The following TRAK1 variants were observed in gnomAD, a reference collection of about 807,000 sequenced individuals.
TRAK1 encodes trafficking kinesin protein 1, also known as trafficking kinesin-binding protein 1.
In TRAK1, 33 loss-of-function variants were observed where a neutral mutation model predicts 92.1. The observed-to-expected ratio is 0.36, with a 90% CI of 0.27 to 0.48. TRAK1 has a LOEUF of 0.48. TRAK1 is among the 20% of genes least tolerant of loss of function. TRAK1 has a pLI of 0.99. For missense variants in TRAK1, 1,123 were observed against 1,257.9 expected, an observed-to-expected ratio of 0.89 and a Z score of 1.62; for synonymous variants, 521 against 517.3, an observed-to-expected ratio of 1.01 and a Z score of -0.10.
chr3:42,142,811 T>G (rs1424104371), intron 2 of TRAK1, among the ~76,000 whole-genome samples: 1 of 152,230 alleles, frequency 6.6e-6, no homozygotes, highest in Non-Finnish European at 1.5e-5. Flanking sequence ...AGACTCACCT[T>G]GTCTCTTCTA....
At chr3:42,210,485 G>A in intron 14 of TRAK1, 1 of 1,225,984 alleles carries the variant, frequency 8.2e-7, no homozygotes, top group Admixed American at 3.9e-5. Flanking sequence ...GTGTCTCCCT[G>A]AGTCTAAGGG....
At chr3:42,207,626 A>G (rs1168538251) in intron 13 of TRAK1, among the ~76,000 whole-genome samples, 1 of 152,188 alleles carries the variant, frequency 6.6e-6, no homozygotes, top group Non-Finnish European at 1.5e-5. Context: ...ATGTAAAACA[A>G]ACTGCGATGC....
chr3:42,022,692 G>A (rs144863126), intron 1 of TRAK1, among the ~76,000 whole-genome samples: 4 of 149,714 alleles, frequency 2.7e-5, no homozygotes, highest in South Asian at 4.3e-4. Context: ...ATTGTACTCC[G>A]GCCTAGGCAA....
chr3:42,208,577 C>T (rs1364971978), intron 13 of TRAK1, among the ~76,000 whole-genome samples: 1 of 152,216 alleles, frequency 6.6e-6, no homozygotes, highest in African/African-American at 2.4e-5. Flanking sequence ...AACCTGGTAT[C>T]CTGGAGGGCT....
chr3:42,156,647 A>G (rs1290216579), intron 2 of TRAK1, among the ~76,000 whole-genome samples: 1 of 152,236 alleles, frequency 6.6e-6, no homozygotes, highest in Non-Finnish European at 1.5e-5. Context: ...GGAATGATGG[A>G]ATTAGAAATT....
intron 2 of TRAK1, among the ~76,000 whole-genome samples, chr3:42,164,177 A>G (rs922290342): frequency 6.6e-6 from 1 of 152,212 alleles, no homozygotes; most frequent in African/African-American, 2.4e-5. Context: ...TGGAGCAGAA[A>G]TACTCTGTGA....
chr3:42,104,407 C>G (rs1707234304), intron 1 of TRAK1, among the ~76,000 whole-genome samples: 1 of 152,312 alleles, frequency 6.6e-6, no homozygotes, highest in East Asian at 1.9e-4. Flanking sequence ...TCAAGTGGGT[C>G]CCTGACCACC....
intron 2 of TRAK1, among the ~76,000 whole-genome samples, chr3:42,149,038 C>G (rs1052923920): frequency 2.6e-5 from 4 of 152,162 alleles, no homozygotes; most frequent in Non-Finnish European, 4.4e-5. Flanking sequence ...ATCTCTCAGC[C>G]TCTGCTGCCA....
intron 1 of TRAK1, among the ~76,000 whole-genome samples, chr3:42,069,037 G>T (rs537739653): frequency 3.3e-5 from 5 of 152,170 alleles, no homozygotes; most frequent in African/African-American, 1.2e-4. Context: ...CTCATGTCAG[G>T]CTGTTTAAAA....
intron 8 of TRAK1, among the ~76,000 whole-genome samples, chr3:42,193,486 G>T (rs1205705582): frequency 1.3e-5 from 2 of 152,138 alleles, no homozygotes; most frequent in Non-Finnish European, 2.9e-5. Flanking sequence ...ATCTAGTCTA[G>T]TATTTGTTTT....
Position 42,223,661 on chromosome 3 carries a change from A to C in TRAK1, c.2786A>C (p.Gln929Pro), listed in dbSNP as rs759942642. The change falls in exon 16 of 16, where the codon CAG (glutamine) becomes CCG (proline). Residue 929 changes from glutamine (Q) to proline (P), a missense_variant. Gln to Pro is a moderately conservative substitution (Grantham distance 76). Transcript: ENST00000327628. The surrounding 1 kb of genome is among the most constrained non-coding windows in gnomAD (Gnocchi z 6.1). Reference sequence around the variant, plus strand: ...CCCACCATGGTGGGATCTAGCATGCAGATGAAAGCTCCTGTGACTCTCACC... The same window carrying C: ...CCCACCATGGTGGGATCTAGCATGCCGATGAAAGCTCCTGTGACTCTCACC... ...SFPTMVGSSM[Q>P]MKAPVTLTSG... The C allele has an allele frequency of 6.2e-7, 1 of 1,614,112 alleles. No individual in the cohort carries two copies. Among genetic ancestry groups the C allele is most frequent in the South Asian group, 1.1e-5 (1 of 91,080 alleles).
At chr3:42,106,614 A>G (rs1426506834) in intron 1 of TRAK1, among the ~76,000 whole-genome samples, 2 of 152,230 alleles carry the variant, frequency 1.3e-5, no homozygotes, top group Non-Finnish European at 2.9e-5. Flanking sequence ...TTACTTTTTA[A>G]AATTATAATG....
rs1284267379 is a variant in TRAK1 at position 42,223,272 on chromosome 3, C to T, written c.2397C>T (p.Phe799=). The T allele has an allele frequency of 6.2e-7, 1 of 1,614,198 alleles. No individual in the cohort carries two copies. The highest frequency in any genetic ancestry group is 1.7e-5 in the Admixed American group (1 of 60,030). Residue 799 remains phenylalanine (F), a synonymous_variant, in exon 16 of 16, where the codon TTC becomes TTT. Coordinates refer to ENST00000327628, the MANE Select transcript of TRAK1 (RefSeq NM_001042646.3). The surrounding 1 kb of genome is among the most constrained non-coding windows in gnomAD (Gnocchi z 6.1). ...TPTSSPPSFE[F]KCTSPPYDNF... is the part of the protein sequence containing the mutation. ...CATCCTCCCCACCCTCCTTTGAGTT[C>T]AAGTGCACGAGCCCTCCCTACGACA...
chr3:42,186,758 C>G (rs1425026455), intron 4 of TRAK1, among the ~76,000 whole-genome samples: 1 of 152,286 alleles, frequency 6.6e-6, no homozygotes, highest in Admixed American at 6.5e-5. Context: ...CTTTTTTCCC[C>G]CTTGGAAAAG....
chr3:42,123,365 A>ATTC (rs1383142923), intron 1 of TRAK1, among the ~76,000 whole-genome samples: 6 of 152,172 alleles, frequency 3.9e-5, no homozygotes, highest in Admixed American at 1.3e-4. Flanking sequence ...AGCAGGGGGA[A>ATTC]CAGGGAAGGG....
At chr3:42,154,177 A>C (rs1018912260) in intron 2 of TRAK1, among the ~76,000 whole-genome samples, 15 of 151,974 alleles carry the variant, frequency 9.9e-5, no homozygotes, top group Non-Finnish European at 1.9e-4. Flanking sequence ...TTATTTATTT[A>C]TTTCTTTTTT....
intron 1 of TRAK1, among the ~76,000 whole-genome samples, chr3:42,030,669 T>C: frequency 9.9e-6 from 1 of 100,924 alleles, no homozygotes; most frequent in South Asian, 3.2e-4. Context: ...GGAGACTCCA[T>C]CTCAAAAAAA....
intron 2 of TRAK1, among the ~76,000 whole-genome samples, chr3:42,161,722 G>A (rs1701295288): frequency 6.6e-6 from 1 of 152,218 alleles, no homozygotes; most frequent in Admixed American, 6.5e-5. Flanking sequence ...ATATTTTATT[G>A]CAGGAAGGGA....
chr3:42,220,214 A>C (rs928745738), intron 15 of TRAK1, among the ~76,000 whole-genome samples: 1 of 152,200 alleles, frequency 6.6e-6, no homozygotes, highest in Non-Finnish European at 1.5e-5. Context: ...GGTAATGACC[A>C]AAATGAGAAG....
Sources: allele counts gnomAD v4.1 joint callset (sites outside exome capture counted in the v4.1 genomes callset), GRCh38; gene constraint gnomAD v4.1.1; non-coding constraint Gnocchi (gnomAD v3.1); transcripts MANE v1.5; gene names NCBI Gene and HGNC (gene_info 2026-07-23, HGNC 2026-07-21).